The following SV2B variants were observed in gnomAD, a reference collection of about 807,000 sequenced individuals.
SV2B encodes synaptic vesicle glycoprotein 2B.
A neutral mutation model predicts 73.9 loss-of-function variants in SV2B; 41 were observed. The observed-to-expected ratio is 0.56, with a 90% CI of 0.43 to 0.72. The LOEUF (loss-of-function observed/expected upper bound fraction) is 0.72. Among genes scored for constraint, SV2B ranks in the 30% least tolerant of loss-of-function variants. The pLI, the probability that SV2B is intolerant of heterozygous loss-of-function variation, is 0.00. For missense variants in SV2B, 764 were observed against 857.8 expected, an observed-to-expected ratio of 0.89 and a Z score of 1.37; for synonymous variants, 314 against 314.2, an observed-to-expected ratio of 1.00 and a Z score of 0.01.
chr15:91,181,542 A>G (rs1231962595), intron 1 of SV2B, among the ~76,000 whole-genome samples: 1 of 151,954 alleles, frequency 6.6e-6, no homozygotes, highest in African/African-American at 2.4e-5. Flanking sequence ...TGACTCCTAC[A>G]TGAAAGAAGT....
chr15:91,295,086 C>T lies in SV2B; in HGVS notation c.*2534C>T, dbSNP rs2141827590. The T allele has an allele frequency of 6.5e-6, 1 of 152,750 alleles. No individual in the cohort carries two copies. The highest frequency in any genetic ancestry group is 1.9e-4 in the East Asian group (1 of 5,184). The allele number at this position is 152,750 out of a possible 1,614,324, so 9.5% of individuals were successfully genotyped here. ...TTCTTTTTCACTTCATGTTCTACCC[C>T]AAGAGACTCCCGATGTCGGCTGTGG... On this transcript the variant is annotated 3_prime_UTR_variant, in exon 13 of 13. Coordinates refer to ENST00000394232, the MANE Select transcript of SV2B (RefSeq NM_001323032.3).
In SV2B at chr15:91,169,907, A is replaced by G. The variant is rs1411649714; in HGVS notation, c.-391-55966A>G. Reference sequence around the variant, plus strand: ...CTTGTTTAACATCCCTGTTGTTTTCACTGGGAAAATCAGCGGCGCAAATAA... The same window carrying G: ...CTTGTTTAACATCCCTGTTGTTTTCGCTGGGAAAATCAGCGGCGCAAATAA... On this transcript the variant is annotated intron_variant, in intron 1 of 12. Coordinates refer to ENST00000394232, the MANE Select transcript of SV2B (RefSeq NM_001323032.3). 2.0e-5 allele frequency among the ~76,000 whole-genome samples: 3 copies of G among 152,146 alleles called. No individual in the cohort carries two copies. The East Asian group carries it at 5.8e-4, about 29-fold the overall frequency.
chr15:91,176,708 C>G (rs1249848708), intron 1 of SV2B, among the ~76,000 whole-genome samples: 1 of 151,646 alleles, frequency 6.6e-6, no homozygotes. Flanking sequence ...AGTGTCTGTT[C>G]ATATCCTTTG....
chr15:91,209,885 C>T (rs2045791698), intron 1 of SV2B, among the ~76,000 whole-genome samples: 1 of 152,236 alleles, frequency 6.6e-6, no homozygotes, highest in African/African-American at 2.4e-5. Flanking sequence ...GAGCCCAGAA[C>T]TGCACAAAAC....
rs1301491379 is a variant in SV2B at position 91,122,634 on chromosome 15, T to C, written c.-392+22271T>C. On this transcript the variant is annotated intron_variant, in intron 1 of 12. Transcript: ENST00000394232. The surrounding 1 kb of genome is among the most constrained non-coding windows in gnomAD (Gnocchi z 4.3). Reference sequence around the variant, plus strand: ...AACTGGACGTTCCATTAAGATACTTTGCACCTGGGGCTCATCTTCCCCAAT... The same window carrying C: ...AACTGGACGTTCCATTAAGATACTTCGCACCTGGGGCTCATCTTCCCCAAT... Among the ~76,000 whole-genome samples, 1 of 152,220 alleles carries C rather than the reference T, an allele frequency of 6.6e-6. No homozygotes were observed. The highest frequency in any genetic ancestry group is 1.5e-5 in the Non-Finnish European group (1 of 68,034).
At chr15:91,119,596 T>C (rs2042270622) in intron 1 of SV2B, among the ~76,000 whole-genome samples, 1 of 152,258 alleles carries the variant, frequency 6.6e-6, no homozygotes, top group African/African-American at 2.4e-5. Context: ...ATTAGAAAGG[T>C]GGTATTTGCC....
intron 9 of SV2B, among the ~76,000 whole-genome samples, chr15:91,276,445 A>G (rs1281551667): frequency 1.3e-5 from 2 of 151,894 alleles, no homozygotes; most frequent in African/African-American, 4.8e-5. Flanking sequence ...AATTGCACCT[A>G]TGTTAGATTG....
chr15:91,220,242 T>C lies in SV2B; in HGVS notation c.-391-5631T>C, dbSNP rs78996014. On this transcript the variant is annotated intron_variant, in intron 1 of 12. Transcript: ENST00000394232. The surrounding 1 kb of genome is among the most constrained non-coding windows in gnomAD (Gnocchi z 4.1). ...CACTGTCAGTTTCTGAGGGTTCCAG[T>C]TCATCACATTCTAGCCAACACTTGC... Among the ~76,000 whole-genome samples, 2,893 of 152,348 alleles carry C rather than the reference T, an allele frequency of 0.019. 33 individuals are homozygous for C. The highest frequency in any genetic ancestry group is 0.048 in the Middle Eastern group (14 of 294).
At position 91,224,132 on chromosome 15, in the gene SV2B, G is replaced by A. The variant is rs1007676344; in HGVS notation, c.-391-1741G>A. On this transcript the variant is annotated intron_variant, in intron 1 of 12. Transcript: ENST00000394232. The surrounding 1 kb of genome is among the most constrained non-coding windows in gnomAD (Gnocchi z 4.9). ...AGGAGGGCCAGGAAGCAGGTGTGGG[G>A]CAGAGGGCCCAGGGATGGGCTGTGG... Among the ~76,000 whole-genome samples, 2 of 152,362 alleles carry A rather than the reference G, an allele frequency of 1.3e-5. No homozygotes were observed. Among genetic ancestry groups the A allele is most frequent in the African/African-American group, 4.8e-5 (2 of 41,588 alleles).
chr15:91,219,944 T>G (rs998021252), intron 1 of SV2B, among the ~76,000 whole-genome samples: 8 of 152,258 alleles, frequency 5.3e-5, no homozygotes, highest in African/African-American at 1.9e-4. Context: ...TTATAGTTTG[T>G]ATCAGTAATT....
intron 1 of SV2B, among the ~76,000 whole-genome samples, chr15:91,145,222 A>G (rs1386167709): frequency 6.6e-6 from 1 of 152,186 alleles, no homozygotes; most frequent in Non-Finnish European, 1.5e-5. Context: ...GCTCTCACTT[A>G]TAAGTGAGAA....
At chr15:91,206,322 G>C (rs1332667873) in intron 1 of SV2B, among the ~76,000 whole-genome samples, 1 of 151,328 alleles carries the variant, frequency 6.6e-6, no homozygotes, top group South Asian at 2.1e-4. Flanking sequence ...GATTACAGGC[G>C]TGAGCCACCG....
chr15:91,120,210 C>T (rs930088807), intron 1 of SV2B, among the ~76,000 whole-genome samples: 1 of 152,158 alleles, frequency 6.6e-6, no homozygotes, highest in Non-Finnish European at 1.5e-5. Flanking sequence ...TAACAGGAAG[C>T]ATGACTGGGA....
rs747071909 is a variant in SV2B at position 91,284,018 on chromosome 15, C to T, written c.1508-3C>T. 6.8e-6 allele frequency: 11 copies of T among 1,614,030 alleles called. No homozygotes were observed. In the African/African-American group the frequency reaches 1.1e-4, roughly 16 times the overall value. Reference sequence around the variant, plus strand: ...TGAACCGAAGGTTTCCTTCTCTCCCCAGACCTCTACGAGCACAAGTTCATC... The same window carrying T: ...TGAACCGAAGGTTTCCTTCTCTCCCTAGACCTCTACGAGCACAAGTTCATC... On this transcript the variant is annotated splice_polypyrimidine_tract_variant and splice_region_variant and intron_variant, in intron 10 of 12. Transcript: ENST00000394232. The surrounding 1 kb of genome is among the most constrained non-coding windows in gnomAD (Gnocchi z 4.5).
At chr15:91,165,299 C>T (rs534225185) in intron 1 of SV2B, among the ~76,000 whole-genome samples, 18 of 152,126 alleles carry the variant, frequency 1.2e-4, no homozygotes, top group African/African-American at 1.7e-4. Context: ...TCATTGCACT[C>T]TAGCCTGGGC....
At chr15:91,286,653 CAT>C (rs2048870020) in intron 11 of SV2B, among the ~76,000 whole-genome samples, 1 of 152,094 alleles carries the variant, frequency 6.6e-6, no homozygotes, top group Non-Finnish European at 1.5e-5. Context: ...GAATATTGAA[CAT>C]GTGTTCAATA....
chr15:91,285,082 C>T (rs1434610339), intron 11 of SV2B, among the ~76,000 whole-genome samples: 2 of 152,140 alleles, frequency 1.3e-5, no homozygotes, highest in African/African-American at 4.8e-5. Context: ...TTCCTAGCAG[C>T]AACGTGCAAA....
intron 9 of SV2B, among the ~76,000 whole-genome samples, chr15:91,276,492 T>C (rs1454739628): frequency 6.6e-6 from 1 of 152,120 alleles, no homozygotes; most frequent in Non-Finnish European, 1.5e-5. Flanking sequence ...TGTTTTTCTC[T>C]GTTTCTTCCC....
intron 9 of SV2B, among the ~76,000 whole-genome samples, chr15:91,273,678 A>C (rs2048390887): frequency 1.3e-5 from 2 of 152,194 alleles, no homozygotes; most frequent in Non-Finnish European, 2.9e-5. Flanking sequence ...AAACATTTCA[A>C]ATATGCAGAG....
Sources: allele counts gnomAD v4.1 joint callset (sites outside exome capture counted in the v4.1 genomes callset), GRCh38; gene constraint gnomAD v4.1.1; non-coding constraint Gnocchi (gnomAD v3.1); transcripts MANE v1.5; gene names NCBI Gene and HGNC (gene_info 2026-07-23, HGNC 2026-07-21).